Variants in TTC27 observed in about 807,000 individuals in gnomAD.
TTC27 encodes tetratricopeptide repeat protein 27.
TTC27 carries 79 observed loss-of-function variants against 115.9 expected under a neutral mutation model. That is an observed-to-expected ratio of 0.68 (90% confidence interval 0.57 to 0.82). The LOEUF (loss-of-function observed/expected upper bound fraction) is 0.82. TTC27 is among the 40% of genes least tolerant of loss of function. TTC27 has a pLI of 0.00. For missense variants in TTC27, 1,054 were observed against 993.1 expected, an observed-to-expected ratio of 1.06 and a Z score of -0.82; for synonymous variants, 401 against 356.0, an observed-to-expected ratio of 1.13 and a Z score of -1.42.
At chr2:32,757,811 A>C (rs1396335551) in intron 12 of TTC27, among the ~76,000 whole-genome samples, 1 of 152,052 alleles carries the variant, frequency 6.6e-6, no homozygotes, top group South Asian at 2.1e-4. Flanking sequence ...CTCCTGCCTC[A>C]GCCTCCCACC....
intron 16 of TTC27, among the ~76,000 whole-genome samples, chr2:32,791,469 A>G (rs1017204326): frequency 5.3e-5 from 8 of 152,196 alleles, no homozygotes; most frequent in Admixed American, 2.0e-4. Flanking sequence ...ACAGTATGTG[A>G]GGTGGATAGT....
intron 5 of TTC27, among the ~76,000 whole-genome samples, chr2:32,663,179 G>C (rs1473461508): frequency 1.3e-5 from 2 of 152,174 alleles, no homozygotes; most frequent in Admixed American, 1.3e-4. Context: ...TTCCAGGGGA[G>C]TGAATGGTTC....
At chr2:32,707,550 G>A (rs1360223531) in intron 10 of TTC27, among the ~76,000 whole-genome samples, 1 of 151,980 alleles carries the variant, frequency 6.6e-6, no homozygotes, top group Non-Finnish European at 1.5e-5. Context: ...TCTACTTTTT[G>A]ATCTTTTTGT....
intron 12 of TTC27, among the ~76,000 whole-genome samples, chr2:32,744,443 A>G (rs1434043049): frequency 1.3e-5 from 2 of 152,078 alleles, no homozygotes; most frequent in Non-Finnish European, 2.9e-5. Context: ...GACAACAGCA[A>G]TTTTTCTGTT....
chr2:32,668,068 G>A (rs1452181584), intron 7 of TTC27, among the ~76,000 whole-genome samples: 4 of 151,906 alleles, frequency 2.6e-5, no homozygotes, highest in Non-Finnish European at 5.9e-5. Flanking sequence ...GCGGGTGCCT[G>A]TAGTCCCAGC....
At chr2:32,710,654 C>G (rs1008379560) in intron 10 of TTC27, among the ~76,000 whole-genome samples, 3 of 151,244 alleles carry the variant, frequency 2.0e-5, no homozygotes, top group Non-Finnish European at 4.4e-5. Flanking sequence ...GTGTTGAACT[C>G]CTGACCTCAA....
At chr2:32,747,780 C>T (rs1336021252) in intron 12 of TTC27, among the ~76,000 whole-genome samples, 1 of 152,068 alleles carries the variant, frequency 6.6e-6, no homozygotes, top group Non-Finnish European at 1.5e-5. Flanking sequence ...GATGTCTGAG[C>T]CTTGGATCCT....
chr2:32,797,585 C>G (rs1429705825), intron 16 of TTC27, among the ~76,000 whole-genome samples: 1 of 152,154 alleles, frequency 6.6e-6, no homozygotes, highest in Non-Finnish European at 1.5e-5. Flanking sequence ...TGGACCCTTA[C>G]CTAACACTGT....
At chr2:32,757,440 A>G (rs888120527) in intron 12 of TTC27, among the ~76,000 whole-genome samples, 1 of 152,086 alleles carries the variant, frequency 6.6e-6, no homozygotes, top group African/African-American at 2.4e-5. Flanking sequence ...CCTTTCTTTT[A>G]CTTGCACCTT....
intron 12 of TTC27, among the ~76,000 whole-genome samples, chr2:32,749,099 C>G (rs1179750578): frequency 6.6e-6 from 1 of 152,158 alleles, no homozygotes; most frequent in African/African-American, 2.4e-5. Context: ...CTGTTGATTG[C>G]CTTTTCCCTG....
intron 2 of TTC27, among the ~76,000 whole-genome samples, chr2:32,632,162 C>CTTT (rs372312922): frequency 3.2e-5 from 4 of 126,094 alleles, no homozygotes; most frequent in Admixed American, 1.6e-4. Flanking sequence ...TGGTATCATT[C>CTTT]TTTTTTTTTT....
At chr2:32,692,963 G>A (rs572349831) in intron 9 of TTC27, among the ~76,000 whole-genome samples, 43 of 148,522 alleles carry the variant, frequency 2.9e-4, no homozygotes, top group African/African-American at 9.5e-4. Context: ...GTAACAGAGT[G>A]AGACTCTGTC....
chr2:32,696,123 C>CA (rs1156644913), intron 9 of TTC27, among the ~76,000 whole-genome samples: 137 of 126,322 alleles, frequency 1.1e-3, no homozygotes, highest in African/African-American at 3.2e-3. Context: ...GACTCTACCT[C>CA]AAAAAAAAAA....
In TTC27 at chr2:32,817,522, C is replaced by T. The variant is rs146160849; in HGVS notation, c.2374C>T (p.Arg792Ter). Residue 792 changes from arginine to a stop codon, truncating the protein, a stop_gained, in exon 19 of 20, where the codon CGA becomes TGA. Coordinates refer to ENST00000317907, the MANE Select transcript of TTC27 (RefSeq NM_017735.5). LOFTEE classifies it high-confidence loss of function. ...QEAVQMLSSV[R>*]LNLRGLLSKA... is the part of the protein sequence containing the mutation. ...AGCTGTACAAATGCTTTCTTCTGTTCGACTCAATTTACGGGGCTTGTTATC... is the reference window on the plus strand; with the variant it reads ...AGCTGTACAAATGCTTTCTTCTGTTTGACTCAATTTACGGGGCTTGTTATC... 3.7e-6 allele frequency: 6 copies of T among 1,613,992 alleles called. No individual in the cohort carries two copies. Among genetic ancestry groups the T allele is most frequent in the Non-Finnish European group, 5.1e-6 (6 of 1,179,964 alleles).
chr2:32,796,581 C>A (rs550808517), intron 16 of TTC27, among the ~76,000 whole-genome samples: 3 of 152,224 alleles, frequency 2.0e-5, no homozygotes, highest in African/African-American at 7.2e-5. Context: ...TCAAAGCCTA[C>A]CAAGACTAAA....
intron 16 of TTC27, among the ~76,000 whole-genome samples, chr2:32,809,119 T>G (rs894254950): frequency 1.3e-4 from 20 of 152,238 alleles, no homozygotes; most frequent in Admixed American, 1.2e-3. Flanking sequence ...ATTAAGACCA[T>G]GAATCTGAGT....
intron 12 of TTC27, among the ~76,000 whole-genome samples, chr2:32,755,373 G>A (rs1669193761): frequency 6.6e-6 from 1 of 152,184 alleles, no homozygotes; most frequent in African/African-American, 2.4e-5. Flanking sequence ...TCGCGGTTAG[G>A]AGCTGGAGAC....
chr2:32,696,172 A>G (rs1190342190), intron 9 of TTC27, among the ~76,000 whole-genome samples: 2 of 151,806 alleles, frequency 1.3e-5, no homozygotes, highest in Non-Finnish European at 2.9e-5. Flanking sequence ...TTCACTCAGC[A>G]TGGTGTCCTC....
intron 16 of TTC27, among the ~76,000 whole-genome samples, chr2:32,804,065 C>T (rs774043906): frequency 6.7e-6 from 1 of 149,368 alleles, no homozygotes; most frequent in Non-Finnish European, 1.5e-5. Context: ...TATATTTAGT[C>T]AATAAACATT....
Sources: allele counts gnomAD v4.1 joint callset (sites outside exome capture counted in the v4.1 genomes callset), GRCh38; gene constraint gnomAD v4.1.1; transcripts MANE v1.5; gene names NCBI Gene and HGNC (gene_info 2026-07-23, HGNC 2026-07-21).